CPA4: variants seen among roughly 807,000 people sequenced by gnomAD.
CPA4 encodes carboxypeptidase A3.
A neutral mutation model predicts 54.7 loss-of-function variants in CPA4; 49 were observed. The ratio of observed to expected loss-of-function variants is 0.90; its 90% CI spans 0.71 to 1.14. CPA4 has a LOEUF of 1.14. Ranked by LOEUF, CPA4 falls within the 50% of genes most tolerant of loss-of-function variation. The pLI, the probability that CPA4 is intolerant of heterozygous loss-of-function variation, is 0.00. For synonymous variants in CPA4, 215 were observed against 206.8 expected (o/e 1.04, Z -0.34); for missense variants, 487 against 525.1 (o/e 0.93, Z 0.71).
chr7:130,309,497 G>A lies in CPA4; in HGVS notation c.793+1100G>A, dbSNP rs915494697. Among the ~76,000 whole-genome samples, 3 of 152,224 alleles carry A rather than the reference G, an allele frequency of 2.0e-5. 1 individual carries two copies. The highest frequency in any genetic ancestry group is 2.0e-4 in the Admixed American group (3 of 15,282). On this transcript the variant is annotated intron_variant, in intron 8 of 10. Coordinates refer to ENST00000222482, the MANE Select transcript of CPA4 (RefSeq NM_016352.4). ...CAGCTGGCTGTCATGGAAAGGGAAA[G>A]AGAATTAGGAGACCTGGGCTCTGAG... is the stretch of plus-strand genomic sequence containing the variant.
At position 130,312,052 on chromosome 7, in the gene CPA4, G is replaced by C; in HGVS notation, c.1008G>C (p.Arg336Ser). The change falls in exon 10 of 11, where the codon AGG becomes AGC. Residue 336 changes from arginine to serine, a missense_variant. Coordinates refer to ENST00000222482, the MANE Select transcript of CPA4 (RefSeq NM_016352.4). ...PDAEELDKVARLAAKALASVS... is the reference protein window; with the variant it reads ...PDAEELDKVASLAAKALASVS... ...CCCCTTCCCAGGACAAGGTGGCGAG[G>C]CTTGCGGCCAAAGCTCTGGCTTCTG... The C allele has an allele frequency of 6.2e-7, 1 of 1,614,162 alleles. No homozygotes were observed. Among genetic ancestry groups the C allele is most frequent in the Non-Finnish European group, 8.5e-7 (1 of 1,179,996 alleles).
chr7:130,311,006 C>A lies in CPA4; in HGVS notation c.993+20C>A, dbSNP rs368709483. On this transcript the variant is annotated intron_variant, in intron 9 of 10. Coordinates refer to ENST00000222482, the MANE Select transcript of CPA4 (RefSeq NM_016352.4). ...GAACTCGTGAGTCACAGCTGCCTCC[C>A]ACCCAGCCTGGGGCCCGCCTGACCC... The A allele has an allele frequency of 1.2e-6, 2 of 1,609,066 alleles. No homozygotes were observed. Among genetic ancestry groups the A allele is most frequent in the African/African-American group, 2.7e-5 (2 of 74,790 alleles).
chr7:130,306,017 C>G (rs1205321193), intron 6 of CPA4, 97 bp downstream of exon 6: 2 of 986,270 alleles, frequency 2.0e-6, no homozygotes, highest in African/African-American at 3.2e-5. Context: ...TGGGAGGGTT[C>G]TCTACTAAGA....
In CPA4 at chr7:130,322,804, C is replaced by A; in HGVS notation, c.*128C>A. ...GGGTTTGTGGAGCACACAGGCCTGC[C>A]CCTCTCCAGCCAGCTCCCTGGAGTC... On this transcript the variant is annotated 3_prime_UTR_variant, in exon 11 of 11. Coordinates refer to ENST00000222482, the MANE Select transcript of CPA4 (RefSeq NM_016352.4). 1.2e-6 allele frequency: 1 copy of A among 839,810 alleles called. No homozygotes were observed. The highest frequency in any genetic ancestry group is 1.8e-6 in the Non-Finnish European group (1 of 555,936). The allele number at this position is 839,810 out of a possible 1,614,324, so 52.0% of individuals were successfully genotyped here.
chr7:130,306,008 G>A, intron 6 of CPA4, 88 bp downstream of exon 6: 1 of 1,096,096 alleles, frequency 9.1e-7, no homozygotes, highest in Non-Finnish European at 1.4e-6. Flanking sequence ...GGCACGAGGT[G>A]GGAGGGTTCT....
intron 1 of CPA4, among the ~76,000 whole-genome samples, chr7:130,294,505 T>C (rs568471393): frequency 2.0e-5 from 3 of 152,332 alleles, no homozygotes; most frequent in South Asian, 4.1e-4. Context: ...GTGACTAGAC[T>C]TGCTGCCGTG....
chr7:130,293,249 G>A lies in CPA4; in HGVS notation c.68+1G>A, dbSNP rs1562926594. 1 of 1,585,486 alleles carries A rather than the reference G, an allele frequency of 6.3e-7. No individual in the cohort carries two copies. The highest frequency in any genetic ancestry group is 1.1e-5 in the South Asian group (1 of 90,292). ...TCTGTGGCCAAGAAAAATTTTTTGGGTAAGTTCCTTTTGGACTTATTATTT... is the reference window on the plus strand; with the variant it reads ...TCTGTGGCCAAGAAAAATTTTTTGGATAAGTTCCTTTTGGACTTATTATTT... On this transcript the variant is annotated splice_donor_variant, in intron 1 of 10. Transcript: ENST00000222482. LOFTEE classifies it high-confidence loss of function.
At chr7:130,320,961 G>A (rs1275153184) in intron 10 of CPA4, among the ~76,000 whole-genome samples, 1 of 152,204 alleles carries the variant, frequency 6.6e-6, no homozygotes, top group Non-Finnish European at 1.5e-5. Flanking sequence ...CACCTTGGGA[G>A]GCTGAGGTGG....
At chr7:130,314,014 C>G (rs1793952828) in intron 10 of CPA4, among the ~76,000 whole-genome samples, 1 of 152,166 alleles carries the variant, frequency 6.6e-6, no homozygotes, top group Admixed American at 6.5e-5. Context: ...TCAGATGTTG[C>G]ACTATTGATA....
intron 4 of CPA4, among the ~76,000 whole-genome samples, chr7:130,304,050 A>AGT (rs1234036709): frequency 6.6e-6 from 1 of 151,378 alleles, no homozygotes; most frequent in African/African-American, 2.4e-5. Flanking sequence ...TGTTTCTTGT[A>AGT]GAGATGGGGT....
At position 130,293,241 on chromosome 7, in the gene CPA4, T is replaced by G; in HGVS notation, c.61T>G (p.Phe21Val). The G allele has an allele frequency of 6.3e-7, 1 of 1,599,990 alleles. No homozygotes were observed. The highest frequency in any genetic ancestry group is 8.6e-7 in the Non-Finnish European group (1 of 1,167,758). Residue 21 changes from phenylalanine (F) to valine (V), a missense_variant, in exon 1 of 11, where the codon TTT (phenylalanine) becomes GTT (valine). By Grantham distance (50) the Phe-to-Val change is conservative. Transcript: ENST00000222482. ...GTCCAGCATCTGTGGCCAAGAAAAA[T>G]TTTTTGGGTAAGTTCCTTTTGGACT... Reference protein sequence around the residue: ...IGSSICGQEKFFGDQVLRINV... With the variant: ...IGSSICGQEKVFGDQVLRINV...
At chr7:130,320,569 C>A (rs1794075854) in intron 10 of CPA4, among the ~76,000 whole-genome samples, 1 of 152,168 alleles carries the variant, frequency 6.6e-6, no homozygotes, top group East Asian at 1.9e-4. Context: ...AATCACACAG[C>A]TCTCAGGAAC....
intron 4 of CPA4, among the ~76,000 whole-genome samples, chr7:130,303,737 TC>T (rs1793774385): frequency 6.6e-6 from 1 of 151,820 alleles, no homozygotes; most frequent in Non-Finnish European, 1.5e-5. Context: ...TGAACAATTC[TC>T]CCACCTCAGC....
intron 10 of CPA4, among the ~76,000 whole-genome samples, chr7:130,318,390 G>C (rs1273964095): frequency 1.3e-5 from 2 of 152,186 alleles, no homozygotes; most frequent in Non-Finnish European, 2.9e-5. Flanking sequence ...GGCTGTCCAG[G>C]AGACATAAAA....
chr7:130,310,676 G>A lies in CPA4; in HGVS notation c.794-111G>A, dbSNP rs1403311941. The stretch of plus-strand genomic sequence containing the variant: ...TGGACTAGGTGCTCTGGGCCGTCTC[G>A]CCATGGCCTGCCCATTCCCAATACC... On this transcript the variant is annotated intron_variant, in intron 8 of 10. Transcript: ENST00000222482. This position sits in a 1 kb window ranked among gnomAD's most constrained non-coding sequence, Gnocchi z 4.3. 23 of 953,208 alleles carry A rather than the reference G, an allele frequency of 2.4e-5. No homozygotes were observed. In the East Asian group the frequency reaches 3.1e-4, roughly 13 times the overall value. The allele number at this position is 953,208 out of a possible 1,614,324, so 59.0% of individuals were successfully genotyped here.
rs1793692087 is a variant in CPA4 at position 130,298,727 on chromosome 7, CT to C, written c.69-15del. 2 of 1,536,166 alleles carry C rather than the reference CT, an allele frequency of 1.3e-6. No individual in the cohort carries two copies. The highest frequency in any genetic ancestry group is 1.8e-6 in the Non-Finnish European group (2 of 1,112,372). The stretch of plus-strand genomic sequence containing the variant: ...CATCATTATCTTTTGCTCTTTTTTC[CT>C]TTTCGCTTCTTCCCCAGGGACCAAG... On this transcript the variant is annotated intron_variant, in intron 1 of 10. Transcript: ENST00000222482.
At chr7:130,305,154 A>G (rs1038627) in intron 5 of CPA4, among the ~76,000 whole-genome samples, 65,315 of 152,124 alleles carry the variant, frequency 0.43, 14,131 homozygotes, top group African/African-American at 0.47. Flanking sequence ...ATGGAACACC[A>G]ATGGTGCTAA....
At position 130,300,880 on chromosome 7, in the gene CPA4, A is replaced by C. The variant is rs1209796347; in HGVS notation, c.350A>C (p.Asn117Thr). The C allele has an allele frequency of 6.2e-7, 1 of 1,613,778 alleles. No individual in the cohort carries two copies. The highest frequency in any genetic ancestry group is 1.7e-5 in the Admixed American group (1 of 60,022). Reference sequence around the variant, plus strand: ...GAAGGGCAAGAACGGAGCAGTAATAACTTCAACTACGGGGCTTACCATTCC... The same window carrying C: ...GAAGGGCAAGAACGGAGCAGTAATACCTTCAACTACGGGGCTTACCATTCC... ...HNEGQERSSN[N>T]FNYGAYHSLE... Residue 117 changes from asparagine to threonine, a missense_variant, in exon 4 of 11, where the codon AAC (asparagine) becomes ACC (threonine). Physicochemically the swap from Asn to Thr is moderately conservative, Grantham distance 65. Coordinates refer to ENST00000222482, the MANE Select transcript of CPA4 (RefSeq NM_016352.4).
chr7:130,295,104 G>A, intron 1 of CPA4, among the ~76,000 whole-genome samples: 1 of 152,236 alleles, frequency 6.6e-6, no homozygotes, highest in East Asian at 1.9e-4. Context: ...CAGTTGCAGA[G>A]CTGGTTACAG....
Sources: allele counts gnomAD v4.1 joint callset (sites outside exome capture counted in the v4.1 genomes callset), GRCh38; gene constraint gnomAD v4.1.1; non-coding constraint Gnocchi (gnomAD v3.1); transcripts MANE v1.5; gene names NCBI Gene and HGNC (gene_info 2026-07-23, HGNC 2026-07-21).